The following DGKI variants were observed in gnomAD, a reference collection of about 807,000 sequenced individuals.
The protein encoded by DGKI is DAG kinase iota.
DGKI carries 55 observed loss-of-function variants against 147.5 expected under a neutral mutation model. That is an observed-to-expected ratio of 0.37 (90% confidence interval 0.30 to 0.47). DGKI has a LOEUF of 0.47. Among genes scored for constraint, DGKI ranks in the 20% least tolerant of loss-of-function variants. DGKI has a pLI of 1.00. For synonymous variants in DGKI, 469 were observed against 477.1 expected (o/e 0.98, Z 0.22); for missense variants, 1,007 against 1,323.8 (o/e 0.76, Z 3.71).
chr7:137,723,638 T>C (rs1227417051), intron 1 of DGKI, among the ~76,000 whole-genome samples: 1 of 150,202 alleles, frequency 6.7e-6, no homozygotes, highest in Non-Finnish European at 1.5e-5. Flanking sequence ...ACAGCAGTGA[T>C]GAAGAACAAG....
At chr7:137,778,299 CTAGGAA>C (rs1796419045) in intron 1 of DGKI, among the ~76,000 whole-genome samples, 1 of 151,936 alleles carries the variant, frequency 6.6e-6, no homozygotes, top group Non-Finnish European at 1.5e-5. Flanking sequence ...AAGGGTGTGT[CTAGGAA>C]ATGCCAAATG....
chr7:137,587,190 G>C lies in DGKI; in HGVS notation c.1332C>G (p.Ile444Met). Residue 444 changes from isoleucine (I) to methionine (M), a missense_variant, in exon 13 of 33, where the codon ATC becomes ATG. Physicochemically the swap from Ile to Met is conservative, Grantham distance 10 (BLOSUM62 1). Coordinates refer to ENST00000614521, the MANE Select transcript of DGKI (RefSeq NM_001321708.2). ...GAGGGCTCAGCTGCAGTTCATCCAG[G>C]ATGGAAAGGATCCAGCCCACCTACA... Reference protein sequence around the residue: ...GDGTVGWILSILDELQLSPQP... With the variant: ...GDGTVGWILSMLDELQLSPQP... The C allele has an allele frequency of 6.2e-7, 1 of 1,612,626 alleles. No homozygotes were observed. Among genetic ancestry groups the C allele is most frequent in the African/African-American group, 1.3e-5 (1 of 74,968 alleles).
intron 1 of DGKI, among the ~76,000 whole-genome samples, chr7:137,767,905 G>C (rs1200625502): frequency 3.3e-5 from 5 of 152,142 alleles, no homozygotes; most frequent in Non-Finnish European, 5.9e-5. Context: ...ATAAAGGTGA[G>C]CTATTTTTAA....
chr7:137,838,374 A>G (rs530234054), intron 1 of DGKI, among the ~76,000 whole-genome samples: 1 of 152,314 alleles, frequency 6.6e-6, no homozygotes, highest in Admixed American at 6.5e-5. Flanking sequence ...ATGAGATCTG[A>G]GGCCTTTCAG....
chr7:137,385,283 C>A lies in DGKI; in HGVS notation c.*5937G>T, dbSNP rs891892197. ...TTAAATGATAACTAACGGCCATTCC[C>A]CTAGATATTTTTAAAATTCTCAGTT... On this transcript the variant is annotated 3_prime_UTR_variant, in exon 33 of 33. Coordinates refer to ENST00000614521, the MANE Select transcript of DGKI (RefSeq NM_001321708.2). 6.6e-5 allele frequency: 10 copies of A among 151,886 alleles called. No individual in the cohort carries two copies. Among genetic ancestry groups the A allele is most frequent in the Admixed American group, 2.0e-4 (3 of 15,200 alleles). The allele number at this position is 151,886 out of a possible 1,614,324, so 9.4% of individuals were successfully genotyped here. A position where few individuals can be genotyped will look rare whatever the true frequency, so the allele number is the denominator to read the frequency against.
intron 1 of DGKI, among the ~76,000 whole-genome samples, chr7:137,709,299 T>C (rs1168601362): frequency 6.6e-6 from 1 of 151,942 alleles, no homozygotes; most frequent in African/African-American, 2.4e-5. Context: ...AGTCACAGAG[T>C]TTCGTGTGTA....
intron 1 of DGKI, among the ~76,000 whole-genome samples, chr7:137,825,602 C>T (rs968566117): frequency 1.3e-5 from 2 of 151,710 alleles, no homozygotes; most frequent in African/African-American, 4.8e-5. Context: ...AGGCATGCAC[C>T]CCCCAACACA....
At chr7:137,738,347 G>A (rs1008645945) in intron 1 of DGKI, among the ~76,000 whole-genome samples, 2 of 152,080 alleles carry the variant, frequency 1.3e-5, no homozygotes, top group Non-Finnish European at 2.9e-5. Flanking sequence ...ACAATTATAT[G>A]TATAATCTAA....
chr7:137,502,167 A>G (rs953773065), intron 21 of DGKI, among the ~76,000 whole-genome samples: 1 of 152,190 alleles, frequency 6.6e-6, no homozygotes, highest in Non-Finnish European at 1.5e-5. Flanking sequence ...CAGCAGTGTG[A>G]AAACGGACTA....
In DGKI at chr7:137,382,232, T is replaced by G. The variant is rs765526569; in HGVS notation, c.*8988A>C. 1 of 152,104 alleles carries G rather than the reference T, an allele frequency of 6.6e-6. No individual in the cohort carries two copies. Among genetic ancestry groups the G allele is most frequent in the Admixed American group, 6.6e-5 (1 of 15,248 alleles). 9.4% of individuals were successfully genotyped at this position (152,104 alleles called of 1,614,324 possible). ...TAAAGACAATTTGTAAACATATATCTATCATTTTTAAGAGGAAAATGTATA... is the reference window on the plus strand; with the variant it reads ...TAAAGACAATTTGTAAACATATATCGATCATTTTTAAGAGGAAAATGTATA... On this transcript the variant is annotated 3_prime_UTR_variant, in exon 33 of 33. Coordinates refer to ENST00000614521, the MANE Select transcript of DGKI (RefSeq NM_001321708.2).
chr7:137,827,865 G>T (rs866846151), intron 1 of DGKI, among the ~76,000 whole-genome samples: 2 of 152,176 alleles, frequency 1.3e-5, no homozygotes, highest in African/African-American at 2.4e-5. Flanking sequence ...TTTCTAGTTT[G>T]CCATTTAGAA....
intron 1 of DGKI, among the ~76,000 whole-genome samples, chr7:137,785,261 C>A (rs934500350): frequency 1.3e-5 from 2 of 151,774 alleles, no homozygotes; most frequent in Non-Finnish European, 2.9e-5. Flanking sequence ...GAAAGAAGAT[C>A]CAAATAAGCT....
chr7:137,557,511 A>C (rs940371624), intron 19 of DGKI, among the ~76,000 whole-genome samples: 2 of 152,200 alleles, frequency 1.3e-5, no homozygotes, highest in African/African-American at 4.8e-5. Context: ...ATTTCCCACT[A>C]TATAGAGAAA....
chr7:137,544,578 G>C (rs961363624), intron 20 of DGKI, among the ~76,000 whole-genome samples: 1 of 152,094 alleles, frequency 6.6e-6, no homozygotes, highest in Non-Finnish European at 1.5e-5. Context: ...CATAAGATGA[G>C]AGTTGAAAGT....
intron 1 of DGKI, chr7:137,722,842 T>C: frequency 3.6e-6 from 4 of 1,120,706 alleles, no homozygotes; most frequent in Admixed American, 3.8e-5. Flanking sequence ...TCCTCACAAA[T>C]TGGTGTTCTA....
At chr7:137,715,288 T>A (rs1191232914) in intron 1 of DGKI, among the ~76,000 whole-genome samples, 3 of 152,208 alleles carry the variant, frequency 2.0e-5, no homozygotes, top group Admixed American at 6.5e-5. Flanking sequence ...GTCCACTGTA[T>A]AAGTCACCAG....
intron 1 of DGKI, chr7:137,722,995 T>G: frequency 1.8e-6 from 1 of 556,722 alleles, no homozygotes; most frequent in Non-Finnish European, 3.1e-6. Context: ...TCTACTTCTC[T>G]GTGCCTTATT....
rs1453941135 is a variant in DGKI at position 137,537,240 on chromosome 7, T to C, written c.2147+15129A>G. Reference sequence around the variant, plus strand: ...GATGGGCAAAGTTTAGCATCTTCCTTTGCTCAGAAGTTTAGAGAGCAAATA... The same window carrying C: ...GATGGGCAAAGTTTAGCATCTTCCTCTGCTCAGAAGTTTAGAGAGCAAATA... On this transcript the variant is annotated intron_variant, in intron 20 of 32. Transcript: ENST00000614521. 2.0e-5 allele frequency among the ~76,000 whole-genome samples: 3 copies of C among 152,138 alleles called. No homozygotes were observed. In the East Asian group the frequency reaches 5.8e-4, roughly 29 times the overall value.
Position 137,430,040 on chromosome 7 carries a change from C to G in DGKI, c.2761+14037G>C, listed in dbSNP as rs1262183032. On this transcript the variant is annotated intron_variant, in intron 28 of 32. Transcript: ENST00000614521. ...AACTGGAAATACCATTTGACCCAGC[C>G]ATCCCATTACTGGGTATATACCCAA... Among the ~76,000 whole-genome samples the G allele has an allele frequency of 1.1e-4, 12 of 114,162 alleles. 1 individual carries two copies. The South Asian group carries it at 4.4e-3, about 42-fold the overall frequency. The allele number at this position is 114,162 out of a possible 152,430, so 74.9% of individuals were successfully genotyped here. A position where few individuals can be genotyped will look rare whatever the true frequency, so the allele number is the denominator to read the frequency against.
Sources: allele counts gnomAD v4.1 joint callset (sites outside exome capture counted in the v4.1 genomes callset), GRCh38; gene constraint gnomAD v4.1.1; transcripts MANE v1.5; gene names NCBI Gene and HGNC (gene_info 2026-07-23, HGNC 2026-07-21).